PEAK1: variants seen among roughly 807,000 people sequenced by gnomAD.
PEAK1 encodes the protein inactive tyrosine-protein kinase PEAK1.
Under a neutral mutation model 124.7 loss-of-function variants are expected in PEAK1, and 54 were observed. The observed-to-expected ratio is 0.43, with a 90% CI of 0.35 to 0.54. PEAK1 has a LOEUF of 0.54. Ranked by LOEUF, PEAK1 falls within the 20% of genes least tolerant of loss-of-function variation. The pLI, the probability that PEAK1 is intolerant of heterozygous loss-of-function variation, is 0.01. For synonymous variants in PEAK1, 719 were observed against 760.0 expected (o/e 0.95, Z 0.89); for missense variants, 2,046 against 2,134.5 (o/e 0.96, Z 0.82).
At chr15:77,313,699 T>C (rs1269962634) in intron 2 of PEAK1, among the ~76,000 whole-genome samples, 1 of 124,382 alleles carries the variant, frequency 8.0e-6, no homozygotes, top group Non-Finnish European at 1.7e-5. Flanking sequence ...TGTGTATATA[T>C]ATATATGTAT....
intron 7 of PEAK1, among the ~76,000 whole-genome samples, chr15:77,171,412 T>G (rs1474613315): frequency 6.6e-6 from 1 of 151,858 alleles, no homozygotes; most frequent in Non-Finnish European, 1.5e-5. Flanking sequence ...CTAGGTGAAA[T>G]AATGCCAGGA....
chr15:77,352,477 G>A (rs1410392456), intron 2 of PEAK1: 4 of 985,172 alleles, frequency 4.1e-6, no homozygotes, highest in Admixed American at 1.2e-4. Context: ...GAGAGGAAAT[G>A]GGGGCTATGG....
At chr15:77,390,693 T>A (rs114296827) in intron 1 of PEAK1, among the ~76,000 whole-genome samples, 3,436 of 152,352 alleles carry the variant, frequency 0.023, 111 homozygotes, top group African/African-American at 0.072. Flanking sequence ...TTGCCTCTAT[T>A]AATCCACAAA....
intron 6 of PEAK1, among the ~76,000 whole-genome samples, chr15:77,187,041 T>G (rs553686026): frequency 2.6e-5 from 4 of 152,336 alleles, no homozygotes; most frequent in Non-Finnish European, 5.9e-5. Context: ...TCCTGGTGTC[T>G]TCTATTTATT....
At chr15:77,407,938 TATATACAC>T (rs1226489883) in intron 1 of PEAK1, among the ~76,000 whole-genome samples, 9 of 81,948 alleles carry the variant, frequency 1.1e-4, no homozygotes, top group South Asian at 3.7e-4. Flanking sequence ...TATACACACA[TATATACAC>T]ATATACACAC....
At chr15:77,417,776 C>G in intron 1 of PEAK1, 1 of 985,342 alleles carries the variant, frequency 1.0e-6, no homozygotes, top group Non-Finnish European at 1.2e-6. Flanking sequence ...ATGCTAATCT[C>G]ATGATGCTTC....
intron 2 of PEAK1, among the ~76,000 whole-genome samples, chr15:77,323,687 C>T (rs1322148945): frequency 1.3e-5 from 2 of 152,134 alleles, no homozygotes; most frequent in East Asian, 1.9e-4. Flanking sequence ...AGAATCAATA[C>T]CATGAAAATG....
chr15:77,114,868 T>C lies in PEAK1; in HGVS notation c.4529A>G (p.Tyr1510Cys). Residue 1510 changes from tyrosine (Y) to cysteine (C), a missense_variant, in exon 10 of 10, where the codon TAC becomes TGC. Physicochemically the swap from Tyr to Cys is radical, Grantham distance 194. Coordinates refer to ENST00000682557, the MANE Select transcript of PEAK1 (RefSeq NM_001385026.1). ...LCSGLEHLKPYHVTHCDLRLE... is the reference protein window; with the variant it reads ...LCSGLEHLKPCHVTHCDLRLE... Reference sequence around the variant, plus strand: ...GCGTAGATCGCAGTGAGTGACATGGTAGGGTTTGAGGTGCTCAAGACCAGA... The same window carrying C: ...GCGTAGATCGCAGTGAGTGACATGGCAGGGTTTGAGGTGCTCAAGACCAGA... 2 of 1,613,652 alleles carry C rather than the reference T, an allele frequency of 1.2e-6. No homozygotes were observed. Among genetic ancestry groups the C allele is most frequent in the Non-Finnish European group, 1.7e-6 (2 of 1,179,962 alleles).
chr15:77,309,573 T>C (rs959201987), intron 2 of PEAK1, among the ~76,000 whole-genome samples: 1 of 152,124 alleles, frequency 6.6e-6, no homozygotes, highest in African/African-American at 2.4e-5. Context: ...TGTAATGGTG[T>C]AATAAAGTGA....
chr15:77,254,005 A>G (rs1305380536), intron 5 of PEAK1, among the ~76,000 whole-genome samples: 1 of 152,060 alleles, frequency 6.6e-6, no homozygotes, highest in Non-Finnish European at 1.5e-5. Flanking sequence ...TTTTTAGTAG[A>G]GACAGCATTT....
At chr15:77,241,535 TA>T (rs2152911879) in intron 6 of PEAK1, among the ~76,000 whole-genome samples, 1 of 152,168 alleles carries the variant, frequency 6.6e-6, no homozygotes, top group Non-Finnish European at 1.5e-5. Context: ...AATAAAACTG[TA>T]CCTATTTGCA....
chr15:77,178,509 A>C (rs994749872), intron 7 of PEAK1: 1 of 435,486 alleles, frequency 2.3e-6, no homozygotes, highest in African/African-American at 2.0e-5. Flanking sequence ...ATTGCTATTA[A>C]GGTGTTATGG....
intron 2 of PEAK1, among the ~76,000 whole-genome samples, chr15:77,329,899 T>C (rs929158876): frequency 6.6e-6 from 1 of 152,130 alleles, no homozygotes; most frequent in Non-Finnish European, 1.5e-5. Context: ...AAAAGTGTAA[T>C]TTCCTTCCTT....
intron 2 of PEAK1, among the ~76,000 whole-genome samples, chr15:77,342,660 T>C (rs2066617744): frequency 6.6e-6 from 1 of 152,152 alleles, no homozygotes; most frequent in Admixed American, 6.5e-5. Context: ...CCTCCCGCCT[T>C]GTCCTTCCAA....
intron 1 of PEAK1, among the ~76,000 whole-genome samples, chr15:77,408,084 CATAT>C (rs1254014157): frequency 6.8e-6 from 1 of 146,322 alleles, no homozygotes; most frequent in South Asian, 2.1e-4. Context: ...CATATATACA[CATAT>C]ATACACACAC....
intron 2 of PEAK1, among the ~76,000 whole-genome samples, chr15:77,293,201 G>A (rs947055127): frequency 4.6e-5 from 7 of 152,096 alleles, no homozygotes. Flanking sequence ...CTAATTACTT[G>A]AACCATTGGC....
intron 1 of PEAK1, chr15:77,403,767 T>C (rs945855950): frequency 1.0e-6 from 1 of 973,054 alleles, no homozygotes; most frequent in African/African-American, 1.8e-5. Flanking sequence ...TGTTAAGGAA[T>C]ATTTTTCACA....
chr15:77,215,084 A>G (rs2059087972), intron 6 of PEAK1, among the ~76,000 whole-genome samples: 1 of 152,194 alleles, frequency 6.6e-6, no homozygotes, highest in South Asian at 2.1e-4. Flanking sequence ...GAGAATTCCA[A>G]TTGCTCCATA....
At chr15:77,302,957 C>CA (rs2063868760) in intron 2 of PEAK1, among the ~76,000 whole-genome samples, 1 of 152,130 alleles carries the variant, frequency 6.6e-6, no homozygotes, top group African/African-American at 2.4e-5. Flanking sequence ...CCCTGGCAAC[C>CA]ACTGATCTTT....
Sources: allele counts gnomAD v4.1 joint callset (sites outside exome capture counted in the v4.1 genomes callset), GRCh38; gene constraint gnomAD v4.1.1; transcripts MANE v1.5; gene names NCBI Gene and HGNC (gene_info 2026-07-23, HGNC 2026-07-21).